The following NUDT12 variants were observed in gnomAD, a reference collection of about 807,000 sequenced individuals.
NUDT12 encodes the protein NAD-capped RNA hydrolase NUDT12.
A neutral mutation model predicts 45.7 loss-of-function variants in NUDT12; 42 were observed. The ratio of observed to expected loss-of-function variants is 0.92; its 90% confidence interval spans 0.72 to 1.19. NUDT12 has a LOEUF of 1.19. NUDT12 is among the 50% of genes most tolerant of loss of function. The pLI is 0.00. For missense variants in NUDT12, 590 were observed against 533.1 expected (o/e 1.11, Z -1.05); for synonymous variants, 206 against 179.7 (o/e 1.15, Z -1.17).
At chr5:103,552,461 G>T in intron 5 of NUDT12, 45 bp from the exon 6 acceptor site, 2 of 1,439,446 alleles carry the variant, frequency 1.4e-6, no homozygotes, top group South Asian at 1.2e-5. Flanking sequence ...GAACATGCCC[G>T]GGACACTTTG....
intron 2 of NUDT12, chr5:103,559,713 A>T (rs1748970239): frequency 2.3e-6 from 1 of 433,210 alleles, no homozygotes; most frequent in East Asian, 3.6e-5. Context: ...AAAATAAAAC[A>T]GTATTAAGCT....
At chr5:103,554,613 T>C (rs990469293) in intron 5 of NUDT12, 127 bp downstream of exon 5, 1 of 384,844 alleles carries the variant, frequency 2.6e-6, no homozygotes, top group African/African-American at 2.1e-5. Context: ...TTGTATCATT[T>C]TTAAAATACC....
In NUDT12 at chr5:103,559,452, C is replaced by T. The variant is rs1748959749; in HGVS notation, c.223G>A (p.Val75Ile). The T allele has an allele frequency of 6.6e-7, 1 of 1,522,186 alleles. No homozygotes were observed. The highest frequency in any genetic ancestry group is 1.3e-5 in the South Asian group (1 of 74,814). The allele number at this position is 1,522,186 out of a possible 1,614,324, so 94.3% of individuals were successfully genotyped here. The change falls in exon 3 of 7, where the codon GTC (valine) becomes ATC (isoleucine). Residue 75 changes from valine to isoleucine, a missense_variant. Coordinates refer to ENST00000230792, the MANE Select transcript of NUDT12 (RefSeq NM_031438.4). ...AGTGCAGTCTGCCTTGATTTATTGACAATTGATCTGTCACACCTATAGATG... is the reference window on the plus strand; with the variant it reads ...AGTGCAGTCTGCCTTGATTTATTGATAATTGATCTGTCACACCTATAGATG... ...LLEKGCDRSI[V>I]NKSRQTALDI...
In NUDT12 at chr5:103,550,191, A is replaced by G. The variant is rs563595198; in HGVS notation, c.*670T>C. The G allele has an allele frequency of 6.6e-6, 1 of 152,292 alleles. No individual in the cohort carries two copies. Among genetic ancestry groups the G allele is most frequent in the South Asian group, 2.1e-4 (1 of 4,828 alleles). 9.4% of individuals were successfully genotyped at this position (152,292 alleles called of 1,614,324 possible). Reference sequence around the variant, plus strand: ...CTAAAAGAGAGGTCCCAGATATAATAGTATGCTTTTCTCCTTCCATGAGGG... The same window carrying G: ...CTAAAAGAGAGGTCCCAGATATAATGGTATGCTTTTCTCCTTCCATGAGGG... On this transcript the variant is annotated 3_prime_UTR_variant, in exon 7 of 7. Coordinates refer to ENST00000230792, the MANE Select transcript of NUDT12 (RefSeq NM_031438.4).
intron 6 of NUDT12, 69 bp downstream of exon 6, chr5:103,552,148 T>G: frequency 7.6e-7 from 1 of 1,314,680 alleles, no homozygotes; most frequent in Non-Finnish European, 1.1e-6. Context: ...ATATGCATCC[T>G]TGCTCTGTGA....
Position 103,561,960 on chromosome 5 carries a change from G to T in NUDT12, c.-7+743C>A, listed in dbSNP as rs1417180660. On this transcript the variant is annotated intron_variant, in intron 1 of 6. Transcript: ENST00000230792. ...GCTTTCTCAGCAGAAAAGCCATCTA[G>T]AAATAGTACCATTATTCATTCCAGA... is the stretch of plus-strand genomic sequence containing the variant. Among the ~76,000 whole-genome samples the T allele has an allele frequency of 3.9e-5, 6 of 152,136 alleles. No homozygotes were observed. The East Asian group carries it at 1.2e-3, about 29-fold the overall frequency.
chr5:103,552,184 T>C (rs368270965), intron 6 of NUDT12, 33 bp downstream of exon 6: 35 of 1,557,082 alleles, frequency 2.2e-5, no homozygotes, highest in Non-Finnish European at 3.1e-5. Flanking sequence ...CAGGGAACAA[T>C]CAATAGAAGA....
chr5:103,562,260 T>G (rs1749056118), intron 1 of NUDT12, among the ~76,000 whole-genome samples: 1 of 152,162 alleles, frequency 6.6e-6, no homozygotes, highest in South Asian at 2.1e-4. Flanking sequence ...GACAGGACCT[T>G]AAATATCGCT....
chr5:103,551,107 T>C (rs1748642453), intron 6 of NUDT12, 136 bp from the exon 7 acceptor site: 1 of 630,248 alleles, frequency 1.6e-6, no homozygotes, highest in South Asian at 2.3e-5. Flanking sequence ...ACAACATCCA[T>C]ATTTACATGC....
intron 5 of NUDT12, 105 bp downstream of exon 5, chr5:103,554,635 G>A (rs981893793): frequency 2.0e-5 from 8 of 401,276 alleles, no homozygotes; most frequent in Admixed American, 4.5e-5. Context: ...TAAAATAACC[G>A]AGTTTTATAA....
intron 5 of NUDT12, among the ~76,000 whole-genome samples, chr5:103,554,043 C>T (rs1156952441): frequency 6.6e-6 from 1 of 151,912 alleles, no homozygotes; most frequent in Non-Finnish European, 1.5e-5. Flanking sequence ...GATCCTCCTC[C>T]AAAACACAGC....
intron 2 of NUDT12, 153 bp from the exon 3 acceptor site, chr5:103,559,621 A>G: frequency 4.3e-6 from 2 of 467,786 alleles, no homozygotes; most frequent in East Asian, 3.4e-5. Flanking sequence ...ATAGTTTACT[A>G]TTGGGAAGGT....
chr5:103,548,927 T>C lies in NUDT12; in HGVS notation c.*1934A>G, dbSNP rs1351754825. 6.6e-6 allele frequency: 1 copy of C among 152,168 alleles called. No homozygotes were observed. Among genetic ancestry groups the C allele is most frequent in the Non-Finnish European group, 1.5e-5 (1 of 68,002 alleles). 9.4% of individuals were successfully genotyped at this position (152,168 alleles called of 1,614,324 possible). On this transcript the variant is annotated 3_prime_UTR_variant, in exon 7 of 7. Transcript: ENST00000230792. ...ACATTCACGGCACTATCACATCTAC[T>C]ATTCTTTTGAACTGGCCATTCCTTC... is the stretch of plus-strand genomic sequence containing the variant.
At chr5:103,561,625 A>C (rs10050602) in intron 1 of NUDT12, among the ~76,000 whole-genome samples, 58,223 of 152,088 alleles carry the variant, frequency 0.38, 11,492 homozygotes, top group Middle Eastern at 0.58. Context: ...AAAGCTACAA[A>C]TTTTCAGGAC....
chr5:103,556,318 A>G (rs1223628510), intron 3 of NUDT12, among the ~76,000 whole-genome samples: 1 of 152,088 alleles, frequency 6.6e-6, no homozygotes, highest in Non-Finnish European at 1.5e-5. Context: ...CTTTCATATA[A>G]GATAGACATA....
chr5:103,557,468 A>G (rs1467730130), intron 3 of NUDT12, among the ~76,000 whole-genome samples: 1 of 151,632 alleles, frequency 6.6e-6, no homozygotes, highest in Non-Finnish European at 1.5e-5. Context: ...CCTATTCCTA[A>G]CTTCCCAGTA....
Position 103,559,332 on chromosome 5 carries a change from C to T in NUDT12, c.343G>A (p.Glu115Lys), listed in dbSNP as rs200217849. 9 of 1,613,524 alleles carry T rather than the reference C, an allele frequency of 5.6e-6. No individual in the cohort carries two copies. The Admixed American group carries it at 6.7e-5, about 12-fold the overall frequency. ...TTGCTAAAATAATTTTCACATTCTT[C>T]CACTTCATTCGTTAGGAACCAAGGC... ...KKPWFLTNEVEECENYFSKTL... is the reference protein window; with the variant it reads ...KKPWFLTNEVKECENYFSKTL... The change falls in exon 3 of 7, where the codon GAA (glutamate) becomes AAA (lysine). Residue 115 changes from glutamate to lysine, a missense_variant. By Grantham distance (56) the Glu-to-Lys change is moderately conservative. Coordinates refer to ENST00000230792, the MANE Select transcript of NUDT12 (RefSeq NM_031438.4).
chr5:103,556,327 TACTG>T (rs1179137392), intron 3 of NUDT12, among the ~76,000 whole-genome samples: 5 of 152,104 alleles, frequency 3.3e-5, no homozygotes, highest in African/African-American at 4.8e-5. Context: ...AAGATAGACA[TACTG>T]ACATCTATCT....
intron 1 of NUDT12, among the ~76,000 whole-genome samples, chr5:103,560,637 G>T (rs1749003918): frequency 6.6e-6 from 1 of 152,054 alleles, no homozygotes; most frequent in Admixed American, 6.5e-5. Flanking sequence ...TGGAAGTAAA[G>T]GCAGAGACTT....
Sources: gnomAD v4.1 joint callset for allele counts (sites outside exome capture counted in the v4.1 genomes callset) on GRCh38, gnomAD v4.1.1 for gene constraint, MANE v1.5 for transcripts, NCBI Gene and HGNC (gene_info 2026-07-23, HGNC 2026-07-21) for gene names.